NETO1: variants seen among roughly 807,000 people sequenced by gnomAD.
NETO1 encodes the protein neuropilin and tolloid-like protein 1.
NETO1 carries 26 observed loss-of-function variants against 61.3 expected under a neutral mutation model. The observed-to-expected ratio is 0.42, with a 90% CI of 0.31 to 0.59. The LOEUF (loss-of-function observed/expected upper bound fraction) is 0.59. Among genes scored for constraint, NETO1 ranks in the 20% least tolerant of loss-of-function variants. NETO1 has a pLI of 0.12. For missense variants in NETO1, 531 were observed against 662.8 expected (o/e 0.80, Z 2.18); for synonymous variants, 225 against 225.8 (o/e 1.00, Z 0.03).
At chr18:72,840,496 G>A (rs138687095) in intron 4 of NETO1, among the ~76,000 whole-genome samples, 2 of 152,122 alleles carry the variant, frequency 1.3e-5, no homozygotes, top group Admixed American at 6.5e-5. Context: ...TCCTTCCAAC[G>A]ATATGAGCAA....
At chr18:72,838,857 G>GT (rs1375833782) in intron 4 of NETO1, among the ~76,000 whole-genome samples, 1 of 152,038 alleles carries the variant, frequency 6.6e-6, no homozygotes, top group African/African-American at 2.4e-5. Context: ...ATTTTAGGAA[G>GT]TTTTTTTATT....
chr18:72,793,477 T>C (rs2072204283), intron 6 of NETO1, among the ~76,000 whole-genome samples: 1 of 152,120 alleles, frequency 6.6e-6, no homozygotes, highest in Admixed American at 6.5e-5. Context: ...TTTTATAATG[T>C]ATTGCCAACT....
chr18:72,752,641 G>GA (rs376182646), intron 8 of NETO1, among the ~76,000 whole-genome samples: 68 of 147,580 alleles, frequency 4.6e-4, no homozygotes, highest in East Asian at 3.9e-3. Context: ...GTATATATAG[G>GA]AAAAAAAAAA....
intron 4 of NETO1, among the ~76,000 whole-genome samples, chr18:72,846,633 C>T (rs1307830692): frequency 6.9e-6 from 1 of 145,808 alleles, no homozygotes; most frequent in Non-Finnish European, 1.5e-5. Flanking sequence ...AGAAAATAAG[C>T]ATATTTGTAT....
At chr18:72,822,160 A>G (rs79697178) in intron 4 of NETO1, among the ~76,000 whole-genome samples, 4,633 of 152,256 alleles carry the variant, frequency 0.03, 102 homozygotes, top group Middle Eastern at 0.061. Context: ...TTACAGCTGT[A>G]GTGGAATTTG....
chr18:72,765,632 T>C (rs1275589333), intron 7 of NETO1, among the ~76,000 whole-genome samples: 1 of 152,056 alleles, frequency 6.6e-6, no homozygotes, highest in Non-Finnish European at 1.5e-5. Flanking sequence ...TTGGCCAGGA[T>C]GGTCTTGAAC....
At chr18:72,755,297 T>C (rs918035768) in intron 8 of NETO1, among the ~76,000 whole-genome samples, 1 of 152,204 alleles carries the variant, frequency 6.6e-6, no homozygotes, top group African/African-American at 2.4e-5. Flanking sequence ...ATGAATACTG[T>C]GGTATTACTT....
intron 4 of NETO1, among the ~76,000 whole-genome samples, chr18:72,816,825 CCA>C (rs1333873274): frequency 6.6e-6 from 1 of 152,160 alleles, no homozygotes; most frequent in Non-Finnish European, 1.5e-5. Context: ...ATTCAGAAAA[CCA>C]CAGTTGAAGA....
intron 4 of NETO1, among the ~76,000 whole-genome samples, chr18:72,847,553 T>A (rs572165965): frequency 5.3e-5 from 8 of 152,314 alleles, no homozygotes; most frequent in African/African-American, 1.9e-4. Flanking sequence ...CCCATGCACA[T>A]CTTTGGGAAG....
Position 72,867,524 on chromosome 18 carries a change from C to T in NETO1, c.-233G>A, listed in dbSNP as rs2074779225. 5 of 384,776 alleles carry T rather than the reference C, an allele frequency of 1.3e-5. No individual in the cohort carries two copies. The highest frequency in any genetic ancestry group is 9.2e-6 in the Non-Finnish European group (2 of 217,462). The allele number at this position is 384,776 out of a possible 1,614,324, so 23.8% of individuals were successfully genotyped here. On this transcript the variant is annotated 5_prime_UTR_variant, in exon 1 of 11. Transcript: ENST00000327305. ...GGGCGGGCTCTCGCTCTCGCTGGCC[C>T]TCAGCGCCGCGCAGCCAGCAGCATC...
chr18:72,777,245 C>G (rs1323468497), intron 7 of NETO1, among the ~76,000 whole-genome samples: 1 of 151,662 alleles, frequency 6.6e-6, no homozygotes, highest in Non-Finnish European at 1.5e-5. Context: ...TGGTGAAACC[C>G]AGTCTCTACT....
At chr18:72,839,072 C>G (rs2073842573) in intron 4 of NETO1, among the ~76,000 whole-genome samples, 1 of 152,116 alleles carries the variant, frequency 6.6e-6, no homozygotes, top group Non-Finnish European at 1.5e-5. Flanking sequence ...ACCGCTTGAC[C>G]TTTAACAAAT....
At chr18:72,766,999 T>C (rs1175473008) in intron 7 of NETO1, among the ~76,000 whole-genome samples, 1 of 152,206 alleles carries the variant, frequency 6.6e-6, no homozygotes, top group African/African-American at 2.4e-5. Flanking sequence ...TGATTACTAT[T>C]AGGCCCTGGA....
At chr18:72,864,721 G>T in intron 3 of NETO1, 87 bp downstream of exon 3, 1 of 1,526,782 alleles carries the variant, frequency 6.5e-7, no homozygotes, top group Non-Finnish European at 9.0e-7. Flanking sequence ...ATTTTGTAAT[G>T]CCTATACGCA....
intron 4 of NETO1, among the ~76,000 whole-genome samples, chr18:72,854,071 T>G (rs1371224302): frequency 6.6e-6 from 1 of 152,176 alleles, no homozygotes; most frequent in Non-Finnish European, 1.5e-5. Context: ...TGCATAGAAA[T>G]CCGTTTAAAA....
chr18:72,759,716 T>C (rs1463160357), intron 7 of NETO1, among the ~76,000 whole-genome samples: 1 of 152,196 alleles, frequency 6.6e-6, no homozygotes, highest in African/African-American at 2.4e-5. Flanking sequence ...TTTGCTTCTT[T>C]CACTATTTCT....
At position 72,865,082 on chromosome 18, in the gene NETO1, ATAT is replaced by A. The variant is rs2074694044; in HGVS notation, c.82+103_82+105del. The A allele has an allele frequency of 3.3e-5, 45 of 1,384,598 alleles. 1 individual carries two copies. In the South Asian group the frequency reaches 5.8e-4, roughly 18 times the overall value. 85.8% of individuals were successfully genotyped at this position (1,384,598 alleles called of 1,614,324 possible). The stretch of plus-strand genomic sequence containing the variant: ...TCTTAGCCAAACCAATCAATTATAC[ATAT>A]TATAACAGGTTCAGATATTCTGGAA... On this transcript the variant is annotated intron_variant, in intron 2 of 10. Transcript: ENST00000327305.
intron 8 of NETO1, among the ~76,000 whole-genome samples, chr18:72,751,600 A>C (rs1173685448): frequency 1.3e-5 from 2 of 152,188 alleles, no homozygotes; most frequent in East Asian, 3.9e-4. Context: ...CTTGGAGGGC[A>C]GGAGCTCAAC....
intron 3 of NETO1, among the ~76,000 whole-genome samples, chr18:72,862,673 C>A (rs973966810): frequency 8.3e-5 from 12 of 144,204 alleles, no homozygotes; most frequent in African/African-American, 3.1e-4. Flanking sequence ...CGGGCTGGAG[C>A]GCAGTGGTGC....
Sources: gnomAD v4.1 joint callset for allele counts (sites outside exome capture counted in the v4.1 genomes callset) on GRCh38, gnomAD v4.1.1 for gene constraint, MANE v1.5 for transcripts, NCBI Gene and HGNC (gene_info 2026-07-23, HGNC 2026-07-21) for gene names.